MAPK10: variants seen among roughly 807,000 people sequenced by gnomAD.
The protein encoded by MAPK10 is JNK3 alpha protein kinase.
A neutral mutation model predicts 59.3 loss-of-function variants in MAPK10; 25 were observed. The ratio of observed to expected loss-of-function variants is 0.42; its 90% CI spans 0.31 to 0.59. The LOEUF (loss-of-function observed/expected upper bound fraction) is 0.59, where lower values mean the gene tolerates loss of function less well. MAPK10 is among the 20% of genes least tolerant of loss of function. The probability of loss-of-function intolerance (pLI) is 0.15; values close to 1 mark genes in which losing one functional copy is unlikely to be tolerated. For missense variants in MAPK10, 351 were observed against 568.9 expected (o/e 0.62, Z 3.90); for synonymous variants, 190 against 200.5 (o/e 0.95, Z 0.44).
At chr4:86,555,202 C>G (rs1013810974) in intron 1 of MAPK10, among the ~76,000 whole-genome samples, 1 of 152,118 alleles carries the variant, frequency 6.6e-6, no homozygotes, top group Non-Finnish European at 1.5e-5. Context: ...AATCCTAGCA[C>G]TTTGGGAGGC....
At chr4:86,572,285 A>G (rs1162486046) in intron 1 of MAPK10, among the ~76,000 whole-genome samples, 2 of 152,186 alleles carry the variant, frequency 1.3e-5, no homozygotes, top group Non-Finnish European at 2.9e-5. Flanking sequence ...AAGAAAGGAT[A>G]TCATAGGATT....
intron 1 of MAPK10, among the ~76,000 whole-genome samples, chr4:86,582,691 A>C (rs1283584553): frequency 6.6e-6 from 1 of 152,216 alleles, no homozygotes; most frequent in Non-Finnish European, 1.5e-5. Context: ...GATGACTGTC[A>C]AACAGGAATT....
At chr4:86,200,284 A>G (rs1337826136) in intron 2 of MAPK10, among the ~76,000 whole-genome samples, 2 of 152,044 alleles carry the variant, frequency 1.3e-5, no homozygotes, top group Non-Finnish European at 2.9e-5. Context: ...ACACATTTCA[A>G]TGAACAGAGA....
intron 5 of MAPK10, among the ~76,000 whole-genome samples, chr4:86,105,273 A>G (rs1249809823): frequency 6.6e-6 from 1 of 152,126 alleles, no homozygotes; most frequent in African/African-American, 2.4e-5. Flanking sequence ...CGAAATTTAC[A>G]TTTGGTTGTA....
intron 3 of MAPK10, among the ~76,000 whole-genome samples, chr4:86,169,439 C>T (rs777994035): frequency 1.1e-4 from 17 of 151,950 alleles, no homozygotes; most frequent in Non-Finnish European, 1.6e-4. Context: ...GGAGCCGATG[C>T]GATCAACTGG....
intron 2 of MAPK10, among the ~76,000 whole-genome samples, chr4:86,298,787 C>T (rs4693762): frequency 0.31 from 47,120 of 152,118 alleles, 7,662 homozygotes; most frequent in Non-Finnish European, 0.37. Context: ...TATTTTTGTT[C>T]TTCTTTTTCC....
At chr4:86,206,395 A>G (rs1270484392) in intron 2 of MAPK10, among the ~76,000 whole-genome samples, 1 of 151,952 alleles carries the variant, frequency 6.6e-6, no homozygotes, top group East Asian at 1.9e-4. Context: ...TTATGGCTGC[A>G]TAGTATTCCA....
At chr4:86,021,011 C>A (rs1276376858) in intron 13 of MAPK10, 1 of 152,262 alleles carries the variant, frequency 6.6e-6, no homozygotes, top group Non-Finnish European at 1.5e-5. Context: ...CCTGTTTTGA[C>A]AGGGTGCTGA....
At chr4:86,373,648 GA>G (rs1238616841) in intron 1 of MAPK10, among the ~76,000 whole-genome samples, 1 of 152,094 alleles carries the variant, frequency 6.6e-6, no homozygotes, top group Non-Finnish European at 1.5e-5. Flanking sequence ...ACAAACATAT[GA>G]AAAAAAGTTC....
chr4:86,473,100 T>G (rs543317244), intron 1 of MAPK10, among the ~76,000 whole-genome samples: 1 of 152,350 alleles, frequency 6.6e-6, no homozygotes, highest in South Asian at 2.1e-4. Context: ...CCTGTTATTT[T>G]TCAGATGAAA....
chr4:86,184,711 C>T (rs1180456186), intron 3 of MAPK10, among the ~76,000 whole-genome samples: 3 of 152,098 alleles, frequency 2.0e-5, no homozygotes, highest in South Asian at 2.1e-4. Flanking sequence ...CTTGCTCCCA[C>T]GCTGGCCGTG....
chr4:86,500,407 C>T (rs1020649840), intron 1 of MAPK10, among the ~76,000 whole-genome samples: 3 of 152,088 alleles, frequency 2.0e-5, no homozygotes, highest in African/African-American at 7.2e-5. Flanking sequence ...GATAAGTTTG[C>T]GTACTGTGTG....
intron 1 of MAPK10, among the ~76,000 whole-genome samples, chr4:86,416,119 T>A (rs143350340): frequency 0.012 from 1,774 of 152,330 alleles, 18 homozygotes; most frequent in Non-Finnish European, 0.018. Context: ...GTAATTAATG[T>A]TAAATAAGGT....
chr4:86,164,635 G>A (rs1206898151), intron 3 of MAPK10: 1 of 152,074 alleles, frequency 6.6e-6, no homozygotes, highest in Admixed American at 6.6e-5. Context: ...CATATGACTT[G>A]TATGATATTA....
intron 2 of MAPK10, among the ~76,000 whole-genome samples, chr4:86,331,709 A>C (rs1303688843): frequency 6.6e-6 from 1 of 152,336 alleles, no homozygotes; most frequent in African/African-American, 2.4e-5. Context: ...GAATTTTCTC[A>C]AGCAAAAAGT....
chr4:86,406,993 G>A (rs1003637444), intron 1 of MAPK10, among the ~76,000 whole-genome samples: 1 of 152,112 alleles, frequency 6.6e-6, no homozygotes, highest in Non-Finnish European at 1.5e-5. Context: ...CATGTTCCAC[G>A]GGATGGGATG....
At chr4:86,234,097 C>G (rs891482027) in intron 2 of MAPK10, among the ~76,000 whole-genome samples, 4 of 152,172 alleles carry the variant, frequency 2.6e-5, no homozygotes, top group African/African-American at 9.7e-5. Flanking sequence ...GTCAGAGTCT[C>G]TAGACTCAAA....
intron 2 of MAPK10, among the ~76,000 whole-genome samples, chr4:86,342,263 T>C: frequency 6.6e-6 from 1 of 152,180 alleles, no homozygotes; most frequent in South Asian, 2.1e-4. Flanking sequence ...ATGACTTCTC[T>C]ACTAAGCAGG....
chr4:86,034,697 T>A (rs1161284380), intron 11 of MAPK10, among the ~76,000 whole-genome samples: 2 of 152,092 alleles, frequency 1.3e-5, no homozygotes, highest in Non-Finnish European at 2.9e-5. Flanking sequence ...TGATAAATGA[T>A]AGAAACCTGT....
Sources: gnomAD v4.1 joint callset for allele counts (sites outside exome capture counted in the v4.1 genomes callset) on GRCh38, gnomAD v4.1.1 for gene constraint, MANE v1.5 for transcripts, NCBI Gene and HGNC (gene_info 2026-07-23, HGNC 2026-07-21) for gene names.